YTHDF3: variants seen among roughly 807,000 people sequenced by gnomAD.
YTHDF3 encodes YTH N6-methyladenosine RNA binding protein F3, also known as YTH domain-containing family protein 3.
A neutral mutation model predicts 52.5 loss-of-function variants in YTHDF3; 9 were observed. That is an observed-to-expected ratio of 0.17 (90% confidence interval 0.10 to 0.30). YTHDF3 has a LOEUF of 0.30. Among genes scored for constraint, YTHDF3 ranks in the 10% least tolerant of loss-of-function variants. YTHDF3 has a pLI of 1.00. For missense variants in YTHDF3, 534 were observed against 715.0 expected (o/e 0.75, Z 2.89); for synonymous variants, 274 against 243.3 (o/e 1.13, Z -1.18).
rs548975704 is a variant in YTHDF3 at position 63,173,754 on chromosome 8, C to T, written c.50-1577C>T. On this transcript the variant is annotated intron_variant, in intron 2 of 4. Coordinates refer to ENST00000539294, the MANE Select transcript of YTHDF3 (RefSeq NM_152758.6). ...GGCACTAGAAGTAACCTAAGGCACC[C>T]TCTTTATTTTGGTTTCTAGTGGCTA... 64 of 917,052 alleles carry T rather than the reference C, an allele frequency of 7.0e-5. No homozygotes were observed. The South Asian group carries it at 3.0e-3, about 42-fold the overall frequency. The allele number at this position is 917,052 out of a possible 1,614,324, so 56.8% of individuals were successfully genotyped here.
chr8:63,186,278 C>T lies in YTHDF3; in HGVS notation c.267C>T (p.Thr89=). 1.9e-6 allele frequency: 3 copies of T among 1,613,996 alleles called. No homozygotes were observed. Among genetic ancestry groups the T allele is most frequent in the East Asian group, 2.2e-5 (1 of 44,878 alleles). The stretch of plus-strand genomic sequence containing the variant: ...ACCAGCCTATGCCATATCTGACAAC[C>T]TATGGACAAATGAGTAATGGAGAAC... ...AGDQPMPYLT[T]YGQMSNGEHH... is the part of the protein sequence containing the mutation. Residue 89 remains threonine (T), a synonymous_variant, in exon 4 of 5, where the codon ACC becomes ACT. Transcript: ENST00000539294.
intron 4 of YTHDF3, chr8:63,188,702 T>TATATATA (rs71255383): frequency 8.9e-4 from 40 of 44,766 alleles, no homozygotes; most frequent in East Asian, 2.2e-3. Context: ...TATATATATA[T>TATATATA]TTTTTTTTTT....
chr8:63,173,611 T>C (rs878912105), intron 2 of YTHDF3: 1 of 983,276 alleles, frequency 1.0e-6, no homozygotes, highest in Non-Finnish European at 1.2e-6. Flanking sequence ...GAATTTTTTT[T>C]CAAGAAGTAA....
intron 3 of YTHDF3, among the ~76,000 whole-genome samples, chr8:63,185,503 A>G (rs1007422948): frequency 6.6e-6 from 1 of 152,214 alleles, no homozygotes; most frequent in Non-Finnish European, 1.5e-5. Context: ...CACCAATAAG[A>G]AACTATGATA....
At chr8:63,170,927 C>T (rs190445788) in intron 2 of YTHDF3, among the ~76,000 whole-genome samples, 55 of 152,288 alleles carry the variant, frequency 3.6e-4, no homozygotes, top group Admixed American at 1.5e-3. Flanking sequence ...TAGGTAGGCA[C>T]TGGTGGCATC....
At chr8:63,206,255 T>G (rs1176815117) in intron 4 of YTHDF3, among the ~76,000 whole-genome samples, 1 of 151,994 alleles carries the variant, frequency 6.6e-6, no homozygotes, top group Admixed American at 6.6e-5. Flanking sequence ...GTGTTTTCAG[T>G]AGAGACGGGG....
In YTHDF3 at chr8:63,180,549, G is replaced by A. The variant is rs1264875626; in HGVS notation, c.135+5133G>A. Among the ~76,000 whole-genome samples the A allele has an allele frequency of 7.2e-5, 11 of 152,230 alleles. No individual in the cohort carries two copies. The East Asian group carries it at 1.6e-3, about 21-fold the overall frequency. On this transcript the variant is annotated intron_variant, in intron 3 of 4. Transcript: ENST00000539294. ...AGACGATGGGCGGCCGGGCAGAGAC[G>A]CTCCTCACTTCCCAGACGGGGTGGC...
chr8:63,168,626 TA>T lies in YTHDF3; in HGVS notation c.-251del, dbSNP rs371581400. On this transcript the variant is annotated 5_prime_UTR_variant, in exon 1 of 5. Coordinates refer to ENST00000539294, the MANE Select transcript of YTHDF3 (RefSeq NM_152758.6). Reference sequence around the variant, plus strand: ...GGGAGGCTCGGAGCGGAAGTGAGACTAGGGAGTCTGTCCGCCATTGTGGACC... The same window carrying T: ...GGGAGGCTCGGAGCGGAAGTGAGACTGGGAGTCTGTCCGCCATTGTGGACC... 616 of 647,398 alleles carry T rather than the reference TA, an allele frequency of 9.5e-4. 3 individuals carry two copies. In the African/African-American group the frequency reaches 9.8e-3, roughly 10 times the overall value. The allele number at this position is 647,398 out of a possible 1,614,324, so 40.1% of individuals were successfully genotyped here. A position where few individuals can be genotyped will look rare whatever the true frequency, so the allele number is the denominator to read the frequency against.
In YTHDF3 at chr8:63,187,175, T is replaced by C. The variant is rs1808575603; in HGVS notation, c.1164T>C (p.Ser388=). The change falls in exon 4 of 5, where the codon AGT becomes AGC. Residue 388 remains serine, a synonymous_variant. Transcript: ENST00000539294. ...TACCTGTCAGTGCTTCACCTTCTAG[T>C]GTAGAAGTGCATCCCGTGCTGGAAA... ...GVVPVSASPS[S]VEVHPVLEKL... is the part of the protein sequence containing the mutation. 6.2e-7 allele frequency: 1 copy of C among 1,613,990 alleles called. No individual in the cohort carries two copies. Among genetic ancestry groups the C allele is most frequent in the Non-Finnish European group, 8.5e-7 (1 of 1,179,870 alleles).
intron 4 of YTHDF3, among the ~76,000 whole-genome samples, chr8:63,197,204 A>G (rs1563409355): frequency 6.6e-6 from 1 of 152,238 alleles, no homozygotes; most frequent in Non-Finnish European, 1.5e-5. Flanking sequence ...CCTAGCACCT[A>G]GAAAAATGCT....
chr8:63,178,631 G>T (rs921668594), intron 3 of YTHDF3, among the ~76,000 whole-genome samples: 1 of 152,150 alleles, frequency 6.6e-6, no homozygotes, highest in African/African-American at 2.4e-5. Flanking sequence ...GTACTAAATA[G>T]ATTTTCAGCA....
At chr8:63,172,621 G>T in intron 2 of YTHDF3, 1 of 413,618 alleles carries the variant, frequency 2.4e-6, no homozygotes, top group Non-Finnish European at 4.2e-6. Context: ...TAAGGAGATA[G>T]CGGGTATATG....
At chr8:63,205,606 G>A (rs966561195) in intron 4 of YTHDF3, among the ~76,000 whole-genome samples, 6 of 151,668 alleles carry the variant, frequency 4.0e-5, no homozygotes, top group Admixed American at 1.3e-4. Flanking sequence ...GCTGATTTTT[G>A]TATTTTTAAT....
intron 4 of YTHDF3, among the ~76,000 whole-genome samples, chr8:63,209,324 G>T (rs886962333): frequency 6.6e-6 from 1 of 151,930 alleles, no homozygotes; most frequent in Non-Finnish European, 1.5e-5. Context: ...TTTTTCTCCT[G>T]CCCCTACCTC....
intron 4 of YTHDF3, among the ~76,000 whole-genome samples, chr8:63,208,923 A>C (rs936841273): frequency 3.3e-5 from 5 of 152,142 alleles, no homozygotes; most frequent in South Asian, 2.1e-4. Context: ...CCTGGAGTGC[A>C]ATGGTGCCAT....
At chr8:63,203,971 C>G (rs1309626216) in intron 4 of YTHDF3, among the ~76,000 whole-genome samples, 1 of 152,134 alleles carries the variant, frequency 6.6e-6, no homozygotes, top group Non-Finnish European at 1.5e-5. Context: ...TGCTAGGTTT[C>G]TCCACCATAA....
At chr8:63,181,825 T>A (rs1808159130) in intron 3 of YTHDF3, among the ~76,000 whole-genome samples, 1 of 152,198 alleles carries the variant, frequency 6.6e-6, no homozygotes. Context: ...AATGGATGGA[T>A]TAGGTTATCT....
intron 4 of YTHDF3, among the ~76,000 whole-genome samples, chr8:63,194,168 C>T (rs1400179858): frequency 6.6e-6 from 1 of 152,086 alleles, no homozygotes. Context: ...ACTTTTGCTT[C>T]ATCTTTTTGG....
chr8:63,203,239 T>C (rs1328695821), intron 4 of YTHDF3, among the ~76,000 whole-genome samples: 1 of 123,940 alleles, frequency 8.1e-6, no homozygotes, highest in Non-Finnish European at 1.5e-5. Flanking sequence ...GTGAACTCTG[T>C]CTCAAAAAAA....
Sources: allele counts gnomAD v4.1 joint callset (sites outside exome capture counted in the v4.1 genomes callset), GRCh38; gene constraint gnomAD v4.1.1; transcripts MANE v1.5; gene names NCBI Gene and HGNC (gene_info 2026-07-23, HGNC 2026-07-21).